The following SNX4 variants were observed in gnomAD, a reference collection of about 807,000 sequenced individuals.
The protein encoded by SNX4 is sorting nexin 4, also known as sorting nexin-4.
In SNX4, 49 loss-of-function variants were observed where a neutral mutation model predicts 70.8. The observed-to-expected ratio is 0.69, with a 90% confidence interval of 0.55 to 0.88. The LOEUF is 0.88. SNX4 is among the 40% of genes least tolerant of loss of function. The pLI, the probability that SNX4 is intolerant of heterozygous loss-of-function variation, is 0.00. For synonymous variants in SNX4, 206 were observed against 183.8 expected, an observed-to-expected ratio of 1.12 and a Z score of -0.98; for missense variants, 528 against 544.8, an observed-to-expected ratio of 0.97 and a Z score of 0.31.
chr3:125,510,329 G>A (rs1327332282), intron 1 of SNX4, among the ~76,000 whole-genome samples: 5 of 151,058 alleles, frequency 3.3e-5, no homozygotes, highest in Non-Finnish European at 7.4e-5. Flanking sequence ...CCGGGTTCAC[G>A]CCACCATTCT....
chr3:125,459,545 T>A (rs1933820992), intron 10 of SNX4, among the ~76,000 whole-genome samples: 1 of 152,156 alleles, frequency 6.6e-6, no homozygotes, highest in African/African-American at 2.4e-5. Flanking sequence ...CAAGCAGTTA[T>A]TCTGCCTCAG....
intron 8 of SNX4, among the ~76,000 whole-genome samples, chr3:125,475,686 G>T (rs114531912): frequency 6.6e-6 from 1 of 152,154 alleles, no homozygotes; most frequent in Non-Finnish European, 1.5e-5. Flanking sequence ...TTAATAATCC[G>T]AAGTAGGGGA....
chr3:125,488,320 C>T (rs953016002), intron 6 of SNX4, among the ~76,000 whole-genome samples: 7 of 151,536 alleles, frequency 4.6e-5, no homozygotes, highest in East Asian at 1.9e-4. Context: ...TACTAAAATA[C>T]GAAAATTAAC....
At chr3:125,484,975 G>C (rs900565510) in intron 6 of SNX4, among the ~76,000 whole-genome samples, 5 of 151,962 alleles carry the variant, frequency 3.3e-5, no homozygotes, top group Admixed American at 2.6e-4. Flanking sequence ...CTGAGGCAGA[G>C]AGAATTGCTT....
At chr3:125,485,073 A>C (rs1472749080) in intron 6 of SNX4, among the ~76,000 whole-genome samples, 1 of 151,860 alleles carries the variant, frequency 6.6e-6, no homozygotes, top group Non-Finnish European at 1.5e-5. Context: ...CCAAAAAAAA[A>C]CAAAAACAAA....
chr3:125,499,070 C>T (rs897353774), intron 2 of SNX4, among the ~76,000 whole-genome samples: 3 of 152,182 alleles, frequency 2.0e-5, no homozygotes, highest in African/African-American at 7.2e-5. Flanking sequence ...AATTCATCTC[C>T]AGTCTTACTT....
At chr3:125,498,700 A>G (rs1934864342) in intron 2 of SNX4, among the ~76,000 whole-genome samples, 1 of 152,244 alleles carries the variant, frequency 6.6e-6, no homozygotes, top group Admixed American at 6.5e-5. Flanking sequence ...GTCTGTGGAT[A>G]AAGCACTCAG....
intron 1 of SNX4, among the ~76,000 whole-genome samples, chr3:125,505,872 G>GATCA (rs1201585271): frequency 2.6e-5 from 4 of 152,166 alleles, no homozygotes; most frequent in Admixed American, 2.6e-4. Flanking sequence ...GAGGCAGGTG[G>GATCA]ATCAGTTCAT....
At position 125,499,319 on chromosome 3, in the gene SNX4, A is replaced by T. The variant is rs80139017; in HGVS notation, c.264-1125T>A. Among the ~76,000 whole-genome samples the T allele has an allele frequency of 9.2e-3, 1,395 of 152,332 alleles. 48 individuals carry two copies. Among genetic ancestry groups the T allele is most frequent in the East Asian group, 0.087 (452 of 5,190 alleles). On this transcript the variant is annotated intron_variant, in intron 2 of 13. Coordinates refer to ENST00000251775, the MANE Select transcript of SNX4 (RefSeq NM_003794.4). ...CCTGTTTGCCCTCCATGAAATGCAC[A>T]AGGTGTATTTGTACATTAGGACAAA...
Position 125,480,236 on chromosome 3 carries a change from G to T in SNX4, c.726+11C>A. ...TGCATGTGCATCAAAAAGCTTTTGG[G>T]GACCACTTACAGCTCTGACTCGAAG... On this transcript the variant is annotated intron_variant, in intron 7 of 13. Transcript: ENST00000251775. The T allele has an allele frequency of 6.6e-7, 1 of 1,513,670 alleles. No homozygotes were observed. Among genetic ancestry groups the T allele is most frequent in the Non-Finnish European group, 8.9e-7 (1 of 1,123,866 alleles). 93.8% of individuals were successfully genotyped at this position (1,513,670 alleles called of 1,614,324 possible).
chr3:125,479,125 T>C (rs1035519285), intron 7 of SNX4, among the ~76,000 whole-genome samples: 1 of 152,146 alleles, frequency 6.6e-6, no homozygotes, highest in Non-Finnish European at 1.5e-5. Flanking sequence ...AACAGAAGGA[T>C]ATACCTCCAT....
At chr3:125,515,106 G>A (rs1468315813) in intron 1 of SNX4, among the ~76,000 whole-genome samples, 1 of 152,180 alleles carries the variant, frequency 6.6e-6, no homozygotes, top group African/African-American at 2.4e-5. Flanking sequence ...ATTTTGCTTT[G>A]AGAGGCCAAG....
chr3:125,467,084 C>CAGAA (rs1451069168), intron 9 of SNX4, among the ~76,000 whole-genome samples: 1 of 74,536 alleles, frequency 1.3e-5, no homozygotes, highest in African/African-American at 4.4e-5. Flanking sequence ...CTCTGTCTTC[C>CAGAA]AAAAAAAAAA....
chr3:125,482,711 G>A (rs1466011121), intron 6 of SNX4, among the ~76,000 whole-genome samples: 1 of 152,032 alleles, frequency 6.6e-6, no homozygotes, highest in East Asian at 1.9e-4. Context: ...ACTTTTCACA[G>A]TCCCCAAGTA....
At chr3:125,506,818 A>G (rs938047118) in intron 1 of SNX4, among the ~76,000 whole-genome samples, 445 of 25,794 alleles carry the variant, frequency 0.017, 7 homozygotes, top group African/African-American at 0.098. Context: ...TGGAGAAAGT[A>G]AAAAAAAAAA....
chr3:125,466,212 A>G (rs775267040), intron 9 of SNX4, among the ~76,000 whole-genome samples: 10 of 151,896 alleles, frequency 6.6e-5, no homozygotes, highest in Non-Finnish European at 1.5e-4. Context: ...TTAAACTTGC[A>G]TCCTGCATCT....
intron 13 of SNX4, among the ~76,000 whole-genome samples, chr3:125,448,167 C>CT (rs1553724260): frequency 1.3e-5 from 2 of 151,130 alleles, no homozygotes. Context: ...GGGTCTCACT[C>CT]TGTTACCCAG....
At chr3:125,461,017 G>C (rs1489891639) in intron 9 of SNX4, among the ~76,000 whole-genome samples, 157 bp from the exon 10 acceptor site, 1 of 152,198 alleles carries the variant, frequency 6.6e-6, no homozygotes, top group African/African-American at 2.4e-5. Flanking sequence ...CTTGAGGTCA[G>C]GAGTTCGAGA....
intron 5 of SNX4, among the ~76,000 whole-genome samples, chr3:125,490,787 C>CAA (rs61378851): frequency 5.7e-5 from 8 of 140,748 alleles, no homozygotes; most frequent in African/African-American, 2.1e-4. Flanking sequence ...ATTAAAAAAA[C>CAA]AAAAAAAAAA....
Sources: allele counts gnomAD v4.1 joint callset (sites outside exome capture counted in the v4.1 genomes callset), GRCh38; gene constraint gnomAD v4.1.1; transcripts MANE v1.5; gene names NCBI Gene and HGNC (gene_info 2026-07-23, HGNC 2026-07-21).